The following MAP2K4 variants were observed in gnomAD, a reference collection of about 807,000 sequenced individuals.
MAP2K4 encodes dual specificity mitogen-activated protein kinase kinase 4.
MAP2K4 carries 4 observed loss-of-function variants against 48.5 expected under a neutral mutation model. The ratio of observed to expected loss-of-function variants is 0.08; its 90% CI spans 0.04 to 0.19. The LOEUF is 0.19. Among genes scored for constraint, MAP2K4 ranks in the 10% least tolerant of loss-of-function variants. MAP2K4 has a pLI of 1.00. For missense variants in MAP2K4, 258 were observed against 493.3 expected (o/e 0.52, Z 4.52); for synonymous variants, 166 against 173.1 (o/e 0.96, Z 0.32).
At chr17:12,089,477 C>G (rs182460379) in intron 3 of MAP2K4, among the ~76,000 whole-genome samples, 187 of 152,300 alleles carry the variant, frequency 1.2e-3, no homozygotes, top group Non-Finnish European at 2.1e-3. Context: ...GGAAGAATCT[C>G]TAAAGCCCTA....
intron 9 of MAP2K4, 34 bp from the exon 10 acceptor site, chr17:12,139,805 A>G (rs1037994011): frequency 2.8e-6 from 4 of 1,439,640 alleles, no homozygotes; most frequent in African/African-American, 1.4e-5. Flanking sequence ...AAATGAATCT[A>G]CATTTTAATA....
chr17:12,078,982 C>T (rs1329384683), intron 2 of MAP2K4, among the ~76,000 whole-genome samples: 1 of 152,114 alleles, frequency 6.6e-6, no homozygotes, highest in Non-Finnish European at 1.5e-5. Context: ...ATAACTGTGG[C>T]ATGTTTTTCT....
chr17:12,021,136 C>G (rs1224288239), intron 1 of MAP2K4, 135 bp downstream of exon 1: 1 of 457,322 alleles, frequency 2.2e-6, no homozygotes, highest in East Asian at 4.1e-5. Flanking sequence ...CTCTCCCTCC[C>G]CGGCTTCCCG....
rs1567679596 is a variant in MAP2K4, at chr17:12,141,264, CGCTGCTACATCA to C, written c.*6_*17del. ...CTCTCCCATGTATGTCGATTGATAT[CGCTGCTACATCA>C]GACTCTAGAAAAAAGGGCTGAGAGG... On this transcript the variant is annotated 3_prime_UTR_variant, in exon 11 of 11. Coordinates refer to ENST00000353533, the MANE Select transcript of MAP2K4 (RefSeq NM_003010.4). 1 of 1,590,628 alleles carries C rather than the reference CGCTGCTACATCA, an allele frequency of 6.3e-7. No individual in the cohort carries two copies.
intron 2 of MAP2K4, among the ~76,000 whole-genome samples, chr17:12,074,857 A>G (rs1225700252): frequency 6.6e-6 from 1 of 152,168 alleles, no homozygotes; most frequent in Non-Finnish European, 1.5e-5. Context: ...TGTAGGGCTC[A>G]CCTTACATAT....
chr17:12,111,292 T>C (rs984689876), intron 6 of MAP2K4, among the ~76,000 whole-genome samples: 2 of 152,196 alleles, frequency 1.3e-5, no homozygotes, highest in African/African-American at 4.8e-5. Context: ...TTAAGTTCTT[T>C]TGTTTGTGGT....
intron 1 of MAP2K4, among the ~76,000 whole-genome samples, chr17:12,022,292 T>C (rs1387668547): frequency 2.6e-5 from 4 of 152,162 alleles, no homozygotes; most frequent in African/African-American, 9.7e-5. Context: ...GTGATAGATA[T>C]ATAGACAGGA....
At chr17:12,077,253 C>T (rs1971042414) in intron 2 of MAP2K4, among the ~76,000 whole-genome samples, 1 of 152,136 alleles carries the variant, frequency 6.6e-6, no homozygotes, top group Admixed American at 6.5e-5. Flanking sequence ...CATCATTGGC[C>T]CCCAGCCACT....
chr17:12,042,757 G>T (rs202167324), intron 1 of MAP2K4, among the ~76,000 whole-genome samples: 15 of 152,174 alleles, frequency 9.9e-5, no homozygotes, highest in Non-Finnish European at 2.1e-4. Flanking sequence ...GCTTTAAGAA[G>T]ATGTTCTTGG....
intron 7 of MAP2K4, among the ~76,000 whole-genome samples, chr17:12,123,918 T>A (rs28923230): frequency 1.3e-5 from 2 of 152,074 alleles, no homozygotes; most frequent in Non-Finnish European, 1.5e-5. Flanking sequence ...TAAAACAAGG[T>A]GTGTTTTATG....
chr17:12,063,261 A>C (rs1307731614), intron 2 of MAP2K4, among the ~76,000 whole-genome samples: 1 of 152,164 alleles, frequency 6.6e-6, no homozygotes, highest in African/African-American at 2.4e-5. Context: ...TGCAAGCTAC[A>C]GTAATTAAGG....
In MAP2K4 at chr17:12,076,043, C is replaced by T. The variant is rs1307274829; in HGVS notation, c.219-5313C>T. 2.6e-5 allele frequency among the ~76,000 whole-genome samples: 4 copies of T among 152,182 alleles called. No homozygotes were observed. In the East Asian group the frequency reaches 5.8e-4, roughly 22 times the overall value. ...GGAAAAAGAGGTTCAAGTACTGGTA[C>T]TGCTGCTGAATTTGCACAGCAAACA... On this transcript the variant is annotated intron_variant, in intron 2 of 10. Coordinates refer to ENST00000353533, the MANE Select transcript of MAP2K4 (RefSeq NM_003010.4).
At position 12,081,509 on chromosome 17, in the gene MAP2K4, T is replaced by C. The variant is rs148203118; in HGVS notation, c.372T>C (p.Ser124=). 167 of 1,613,716 alleles carry C rather than the reference T, an allele frequency of 1.0e-4. No individual in the cohort carries two copies. Among genetic ancestry groups the C allele is most frequent in the Admixed American group, 5.5e-4 (33 of 59,926 alleles). Residue 124 remains serine (S), a synonymous_variant, in exon 3 of 11, where the codon AGT becomes AGC. Coordinates refer to ENST00000353533, the MANE Select transcript of MAP2K4 (RefSeq NM_003010.4). The surrounding 1 kb of genome is among the most constrained non-coding windows in gnomAD (Gnocchi z 4.2). ...TCAACAAAATGGTCCACAAACCAAG[T>C]GGGCAAATAATGGCAGTTAAAGTAG... ...GSVNKMVHKP[S]GQIMAVKRIR...
intron 6 of MAP2K4, chr17:12,110,639 G>A: frequency 2.1e-6 from 1 of 486,086 alleles, no homozygotes; most frequent in South Asian, 3.0e-5. Context: ...GTTGGACTTA[G>A]AAACTGAAAT....
At chr17:12,084,145 A>G (rs899654829) in intron 3 of MAP2K4, among the ~76,000 whole-genome samples, 1 of 152,166 alleles carries the variant, frequency 6.6e-6, no homozygotes, top group Non-Finnish European at 1.5e-5. Context: ...ATTTTGCCAT[A>G]TATAAGAAAT....
At chr17:12,078,234 G>A (rs1391650042) in intron 2 of MAP2K4, among the ~76,000 whole-genome samples, 5 of 152,144 alleles carry the variant, frequency 3.3e-5, no homozygotes, top group African/African-American at 7.2e-5. Context: ...CTGCCACAGC[G>A]GCTGTTGTCT....
chr17:12,069,466 T>C (rs1265866878), intron 2 of MAP2K4, among the ~76,000 whole-genome samples: 1 of 152,182 alleles, frequency 6.6e-6, no homozygotes, highest in Non-Finnish European at 1.5e-5. Flanking sequence ...ATGTTACTCT[T>C]TTCTGTGGTG....
rs1969302708 is a variant in MAP2K4, at chr17:12,027,708, A to G, written c.115+6707A>G. 2.0e-5 allele frequency among the ~76,000 whole-genome samples: 3 copies of G among 152,258 alleles called. No individual in the cohort carries two copies. The South Asian group carries it at 6.2e-4, about 32-fold the overall frequency. The stretch of plus-strand genomic sequence containing the variant: ...CCTGGGATCTGGTTATGTGCCTGTC[A>G]TGGGGAAGCATCCATCTTTTTGGGG... On this transcript the variant is annotated intron_variant, in intron 1 of 10. Coordinates refer to ENST00000353533, the MANE Select transcript of MAP2K4 (RefSeq NM_003010.4).
At chr17:12,030,201 T>G (rs1258852365) in intron 1 of MAP2K4, among the ~76,000 whole-genome samples, 5 of 152,162 alleles carry the variant, frequency 3.3e-5, no homozygotes, top group Admixed American at 6.5e-5. Context: ...ACAGACTAAC[T>G]AAAAACGCTT....
Sources: gnomAD v4.1 joint callset for allele counts (sites outside exome capture counted in the v4.1 genomes callset) on GRCh38, gnomAD v4.1.1 for gene constraint, Gnocchi (gnomAD v3.1) non-coding constraint, MANE v1.5 for transcripts, NCBI Gene and HGNC (gene_info 2026-07-23, HGNC 2026-07-21) for gene names.